Variants in SPOCK3 observed in about 807,000 individuals in gnomAD.
SPOCK3 encodes testican-3.
A neutral mutation model predicts 56.6 loss-of-function variants in SPOCK3; 30 were observed. The ratio of observed to expected loss-of-function variants is 0.53; its 90% CI spans 0.40 to 0.72. The LOEUF (loss-of-function observed/expected upper bound fraction) is 0.72, where lower values mean the gene tolerates loss of function less well. Ranked by LOEUF, SPOCK3 falls within the 30% of genes least tolerant of loss-of-function variation. The probability of loss-of-function intolerance (pLI) is 0.00; values close to 1 mark genes in which losing one functional copy is unlikely to be tolerated. For synonymous variants in SPOCK3, 196 were observed against 183.3 expected (o/e 1.07, Z -0.56); for missense variants, 527 against 530.0 (o/e 0.99, Z 0.06).
chr4:167,066,904 G>GT (rs1168089330), intron 2 of SPOCK3, among the ~76,000 whole-genome samples: 1 of 151,898 alleles, frequency 6.6e-6, no homozygotes, highest in African/African-American at 2.4e-5. Flanking sequence ...CTTTGTACAG[G>GT]TGAGGTGGGT....
intron 6 of SPOCK3, chr4:166,883,173 A>G (rs1733845036): frequency 6.6e-6 from 1 of 152,224 alleles, no homozygotes; most frequent in Non-Finnish European, 1.5e-5. Flanking sequence ...ATTCTTAATC[A>G]ATAATACTTT....
intron 2 of SPOCK3, among the ~76,000 whole-genome samples, chr4:167,182,409 CA>C (rs35047060): frequency 0.48 from 64,625 of 135,254 alleles, 14,322 homozygotes; most frequent in South Asian, 0.54. Flanking sequence ...AAAAGAAAGA[CA>C]AAAAAAAAAA....
At chr4:166,903,859 G>T (rs182034607) in intron 5 of SPOCK3, among the ~76,000 whole-genome samples, 57 of 152,082 alleles carry the variant, frequency 3.7e-4, no homozygotes, top group Non-Finnish European at 7.4e-4. Context: ...AGTATATCCA[G>T]TGTGATTGTG....
At chr4:166,980,534 G>A (rs1746462213) in intron 4 of SPOCK3, among the ~76,000 whole-genome samples, 1 of 152,182 alleles carries the variant, frequency 6.6e-6, no homozygotes, top group African/African-American at 2.4e-5. Context: ...GCTGTGCTTG[G>A]CTCATGCTAG....
chr4:167,039,704 A>G (rs12498852), intron 3 of SPOCK3, among the ~76,000 whole-genome samples: 76,145 of 151,726 alleles, frequency 0.5, 21,599 homozygotes, highest in East Asian at 0.84. Context: ...GAAAAGTTGC[A>G]CTGTATACAC....
chr4:167,052,499 G>C (rs1225650505), intron 3 of SPOCK3, among the ~76,000 whole-genome samples: 1 of 152,154 alleles, frequency 6.6e-6, no homozygotes, highest in Non-Finnish European at 1.5e-5. Context: ...CAATTCATGT[G>C]AATTAATCAA....
chr4:166,843,979 A>G (rs1292829701), intron 6 of SPOCK3, among the ~76,000 whole-genome samples: 2 of 152,160 alleles, frequency 1.3e-5, no homozygotes, highest in Non-Finnish European at 2.9e-5. Context: ...ACGTTGCGCT[A>G]ATGACCAGGT....
chr4:167,089,030 C>A (rs1284665630), intron 2 of SPOCK3, among the ~76,000 whole-genome samples: 2 of 151,990 alleles, frequency 1.3e-5, no homozygotes, highest in African/African-American at 4.8e-5. Flanking sequence ...TTCATTAGGT[C>A]AGCATATACA....
chr4:167,075,575 G>A (rs1402513906), intron 2 of SPOCK3, among the ~76,000 whole-genome samples: 1 of 151,914 alleles, frequency 6.6e-6, no homozygotes, highest in South Asian at 2.1e-4. Flanking sequence ...TTGATAGCTG[G>A]GAAAAGTACA....
At chr4:167,099,033 C>T (rs1305701304) in intron 2 of SPOCK3, among the ~76,000 whole-genome samples, 2 of 151,978 alleles carry the variant, frequency 1.3e-5, no homozygotes, top group Admixed American at 1.3e-4. Flanking sequence ...TCTTCATATG[C>T]TCCAGGGCAC....
intron 4 of SPOCK3, among the ~76,000 whole-genome samples, chr4:166,931,382 G>A (rs1739757230): frequency 6.6e-6 from 1 of 152,070 alleles, no homozygotes; most frequent in Non-Finnish European, 1.5e-5. Flanking sequence ...CCTGCAATTA[G>A]AATATTGCTT....
intron 2 of SPOCK3, among the ~76,000 whole-genome samples, chr4:167,159,567 G>A (rs906286729): frequency 3.3e-5 from 5 of 152,016 alleles, no homozygotes; most frequent in Non-Finnish European, 7.4e-5. Context: ...TGATACCAAA[G>A]CCGGGCAGAG....
chr4:166,821,419 G>A (rs1187597658), intron 6 of SPOCK3, among the ~76,000 whole-genome samples: 1 of 151,980 alleles, frequency 6.6e-6, no homozygotes, highest in Non-Finnish European at 1.5e-5. Flanking sequence ...TAAACTTGCT[G>A]TATGACTCAA....
In SPOCK3 at chr4:166,761,895, TAAAAAAAAAAA is replaced by T. The variant is rs748340803; in HGVS notation, c.710-7177_710-7167del. ...ATGTACCCTAAAACTTAGAGTATAA[TAAAAAAAAAAA>T]AAAAAAAAAAAAAAAAGAGATTTGG... On this transcript the variant is annotated intron_variant, in intron 7 of 10. Coordinates refer to ENST00000357545, the MANE Select transcript of SPOCK3 (RefSeq NM_001040159.2). Among the ~76,000 whole-genome samples the T allele has an allele frequency of 1.7e-4, 18 of 103,384 alleles. 6 individuals are homozygous for T. The highest frequency in any genetic ancestry group is 6.5e-4 in the Admixed American group (6 of 9,256). 67.8% of individuals were successfully genotyped at this position (103,384 alleles called of 152,430 possible). A position where few individuals can be genotyped will look rare whatever the true frequency, so the allele number is the denominator to read the frequency against.
chr4:167,178,070 T>A (rs1049026312), intron 2 of SPOCK3, among the ~76,000 whole-genome samples: 13 of 152,248 alleles, frequency 8.5e-5, no homozygotes, highest in African/African-American at 3.1e-4. Flanking sequence ...AGTTCCAGAT[T>A]CTAAGTCTTT....
intron 2 of SPOCK3, among the ~76,000 whole-genome samples, chr4:167,124,247 T>C (rs796623560): frequency 8.5e-5 from 13 of 152,342 alleles, no homozygotes; most frequent in African/African-American, 3.1e-4. Flanking sequence ...TCTGGTCTTA[T>C]GATTAAAATA....
chr4:167,038,522 G>A (rs2150195734), intron 3 of SPOCK3, among the ~76,000 whole-genome samples: 1 of 152,112 alleles, frequency 6.6e-6, no homozygotes, highest in Non-Finnish European at 1.5e-5. Context: ...CCTGGTTATG[G>A]TAACTATTCA....
At chr4:166,925,394 C>T (rs1738976493) in intron 4 of SPOCK3, among the ~76,000 whole-genome samples, 1 of 152,110 alleles carries the variant, frequency 6.6e-6, no homozygotes, top group African/African-American at 2.4e-5. Context: ...AAAACGTATT[C>T]CCCAAATCAA....
At chr4:166,914,582 C>T (rs561898999) in intron 4 of SPOCK3, among the ~76,000 whole-genome samples, 4 of 152,188 alleles carry the variant, frequency 2.6e-5, no homozygotes, top group African/African-American at 7.2e-5. Flanking sequence ...ACCAGCCTGA[C>T]CAACATGGAG....
Sources: gnomAD v4.1 joint callset for allele counts (sites outside exome capture counted in the v4.1 genomes callset) on GRCh38, gnomAD v4.1.1 for gene constraint, MANE v1.5 for transcripts, NCBI Gene and HGNC (gene_info 2026-07-23, HGNC 2026-07-21) for gene names.